Variants in M1AP observed in about 807,000 individuals in gnomAD.
M1AP encodes meiosis 1 arrest protein.
Under a neutral mutation model 51.2 loss-of-function variants are expected in M1AP, and 39 were observed. The ratio of observed to expected loss-of-function variants is 0.76; its 90% CI spans 0.59 to 1.00. The LOEUF (loss-of-function observed/expected upper bound fraction) is 1.00. Ranked by LOEUF, M1AP falls within the 50% of genes least tolerant of loss-of-function variation. The pLI, the probability that M1AP is intolerant of heterozygous loss-of-function variation, is 0.00. For synonymous variants in M1AP, 251 were observed against 249.2 expected (o/e 1.01, Z -0.07); for missense variants, 545 against 641.2 (o/e 0.85, Z 1.62).
chr2:74,601,305 A>G (rs1367263304), intron 4 of M1AP, among the ~76,000 whole-genome samples: 1 of 152,110 alleles, frequency 6.6e-6, no homozygotes, highest in Non-Finnish European at 1.5e-5. Context: ...TACGGAAAAA[A>G]TCCTAGATAA....
intron 2 of M1AP, among the ~76,000 whole-genome samples, chr2:74,619,837 G>A (rs1384661528): frequency 1.3e-5 from 2 of 152,134 alleles, no homozygotes; most frequent in African/African-American, 4.8e-5. Context: ...AATGAATGAA[G>A]GAGTTGACCT....
intron 2 of M1AP, among the ~76,000 whole-genome samples, chr2:74,617,985 A>T (rs923523086): frequency 6.6e-6 from 1 of 152,186 alleles, no homozygotes; most frequent in Non-Finnish European, 1.5e-5. Flanking sequence ...AAAGCAAGAG[A>T]TTGACCCATA....
rs1677672846 is a variant in M1AP, at chr2:74,558,647, A to G, written c.*69T>C. ...GCGGATAGAGAGCAAGTCTGACCAC[A>G]GATAGCCATTATGTGAACCTGAGCA... On this transcript the variant is annotated 3_prime_UTR_variant, in exon 11 of 11. Transcript: ENST00000421985. 3 of 1,567,964 alleles carry G rather than the reference A, an allele frequency of 1.9e-6. No individual in the cohort carries two copies. The highest frequency in any genetic ancestry group is 2.6e-6 in the Non-Finnish European group (3 of 1,150,292).
In M1AP at chr2:74,595,522, T is replaced by C. The variant is rs1461385697; in HGVS notation, c.595+11533A>G. 2.6e-5 allele frequency among the ~76,000 whole-genome samples: 4 copies of C among 151,926 alleles called. No individual in the cohort carries two copies. The East Asian group carries it at 7.7e-4, about 29-fold the overall frequency. On this transcript the variant is annotated intron_variant, in intron 4 of 10. Coordinates refer to ENST00000421985, the MANE Select transcript of M1AP (RefSeq NM_001321739.2). ...GCACACTACCATGCCAGGCTAATTTTTGTATTTTTTGTAGAGATGGGGTTT... is the reference window on the plus strand; with the variant it reads ...GCACACTACCATGCCAGGCTAATTTCTGTATTTTTTGTAGAGATGGGGTTT...
At chr2:74,616,982 C>T (rs1216015360) in intron 2 of M1AP, among the ~76,000 whole-genome samples, 1 of 152,128 alleles carries the variant, frequency 6.6e-6, no homozygotes, top group African/African-American at 2.4e-5. Context: ...TCATTATAAA[C>T]AGAGAAAAAT....
intron 4 of M1AP, among the ~76,000 whole-genome samples, chr2:74,585,698 G>C (rs1291894349): frequency 6.6e-6 from 1 of 152,230 alleles, no homozygotes; most frequent in Non-Finnish European, 1.5e-5. Flanking sequence ...TTTCAGAAGG[G>C]AGTGAGCACC....
intron 7 of M1AP, among the ~76,000 whole-genome samples, chr2:74,574,810 T>A (rs1359469675): frequency 1.3e-5 from 2 of 152,164 alleles, no homozygotes; most frequent in Non-Finnish European, 2.9e-5. Flanking sequence ...AGCCTTAGGG[T>A]CTTTGCACAT....
intron 4 of M1AP, among the ~76,000 whole-genome samples, chr2:74,591,271 A>G (rs2104632056): frequency 6.6e-6 from 1 of 152,346 alleles, no homozygotes; most frequent in African/African-American, 2.4e-5. Flanking sequence ...TATGGGTCTC[A>G]ATGGCTTCAT....
At position 74,575,597 on chromosome 2, in the gene M1AP, C is replaced by T; in HGVS notation, c.933-18G>A. 1 of 1,596,332 alleles carries T rather than the reference C, an allele frequency of 6.3e-7. No homozygotes were observed. The highest frequency in any genetic ancestry group is 8.6e-7 in the Non-Finnish European group (1 of 1,164,710). Reference sequence around the variant, plus strand: ...TTAAAGCCCTAGGAAGAGATAATTACAGTCAAAGACTCCTTAGTGATATCT... The same window carrying T: ...TTAAAGCCCTAGGAAGAGATAATTATAGTCAAAGACTCCTTAGTGATATCT... On this transcript the variant is annotated intron_variant, in intron 6 of 10. Coordinates refer to ENST00000421985, the MANE Select transcript of M1AP (RefSeq NM_001321739.2).
At chr2:74,631,307 T>C (rs755244887) in intron 2 of M1AP, among the ~76,000 whole-genome samples, 29 of 152,234 alleles carry the variant, frequency 1.9e-4, no homozygotes, top group Non-Finnish European at 3.5e-4. Context: ...CCTGTATTTC[T>C]GCTTTAGTGA....
chr2:74,606,345 G>A (rs1680995283), intron 4 of M1AP, among the ~76,000 whole-genome samples: 1 of 152,182 alleles, frequency 6.6e-6, no homozygotes, highest in African/African-American at 2.4e-5. Flanking sequence ...AGCCAGCCCT[G>A]CATATGAGTC....
chr2:74,600,033 G>C (rs1680588815), intron 4 of M1AP, among the ~76,000 whole-genome samples: 1 of 151,984 alleles, frequency 6.6e-6, no homozygotes, highest in Non-Finnish European at 1.5e-5. Flanking sequence ...TAAAGTGCTA[G>C]GGTTACAGGT....
At chr2:74,572,468 G>A (rs1308437964) in intron 7 of M1AP, among the ~76,000 whole-genome samples, 2 of 152,108 alleles carry the variant, frequency 1.3e-5, no homozygotes, top group East Asian at 1.9e-4. Context: ...CTACAGGTGT[G>A]AGTCATTGCT....
intron 2 of M1AP, among the ~76,000 whole-genome samples, chr2:74,634,784 T>C (rs553837404): frequency 6.6e-6 from 1 of 152,332 alleles, no homozygotes; most frequent in East Asian, 1.9e-4. Flanking sequence ...TTTAATATGG[T>C]ATACTACTTT....
chr2:74,605,412 G>A lies in M1AP; in HGVS notation c.595+1643C>T, dbSNP rs994868003. 3.9e-5 allele frequency among the ~76,000 whole-genome samples: 6 copies of A among 152,100 alleles called. No homozygotes were observed. In the East Asian group the frequency reaches 1.2e-3, roughly 29 times the overall value. The stretch of plus-strand genomic sequence containing the variant: ...CTTTTTCCTTTTCCTTTTTTCCATA[G>A]TCTCTTTCTTAAGATGTCATTGTAT... On this transcript the variant is annotated intron_variant, in intron 4 of 10. Transcript: ENST00000421985.
intron 2 of M1AP, among the ~76,000 whole-genome samples, chr2:74,626,116 A>G (rs1480452246): frequency 6.6e-6 from 1 of 152,000 alleles, no homozygotes; most frequent in Non-Finnish European, 1.5e-5. Flanking sequence ...TTTGGTGTGA[A>G]CCCCAGCCTC....
chr2:74,569,772 G>A lies in M1AP; in HGVS notation c.1074+5666C>T, dbSNP rs185383334. Reference sequence around the variant, plus strand: ...GAAAGAGACAGGACCTGAGAGAGAGGAGGACTACATTATGTCAGAGAGGCT... The same window carrying A: ...GAAAGAGACAGGACCTGAGAGAGAGAAGGACTACATTATGTCAGAGAGGCT... On this transcript the variant is annotated intron_variant, in intron 7 of 10. Transcript: ENST00000421985. Among the ~76,000 whole-genome samples the A allele has an allele frequency of 3.3e-5, 5 of 152,186 alleles. No individual in the cohort carries two copies. In the East Asian group the frequency reaches 9.6e-4, roughly 29 times the overall value.
intron 7 of M1AP, among the ~76,000 whole-genome samples, chr2:74,572,097 G>C (rs1053880386): frequency 2.6e-5 from 4 of 152,102 alleles, no homozygotes; most frequent in South Asian, 2.1e-4. Flanking sequence ...ACGGAGTAAA[G>C]AGAACAGCAG....
chr2:74,574,387 T>C (rs1001884337), intron 7 of M1AP, among the ~76,000 whole-genome samples: 5 of 152,190 alleles, frequency 3.3e-5, no homozygotes, highest in African/African-American at 1.2e-4. Flanking sequence ...GACAATCTTC[T>C]CTCTAAAATA....
Sources: allele counts gnomAD v4.1 joint callset (sites outside exome capture counted in the v4.1 genomes callset), GRCh38; gene constraint gnomAD v4.1.1; transcripts MANE v1.5; gene names NCBI Gene and HGNC (gene_info 2026-07-23, HGNC 2026-07-21).